Variants in GRID2 observed in about 807,000 individuals in gnomAD.
GRID2 encodes glutamate receptor ionotropic, delta-2.
In GRID2, 33 loss-of-function variants were observed where a neutral mutation model predicts 114.8. The observed-to-expected ratio is 0.29, with a 90% CI of 0.22 to 0.38. The LOEUF (loss-of-function observed/expected upper bound fraction) is 0.38. GRID2 is among the 10% of genes least tolerant of loss of function. The pLI is 1.00. For missense variants in GRID2, 1,184 were observed against 1,257.7 expected (o/e 0.94, Z 0.89); for synonymous variants, 505 against 449.9 (o/e 1.12, Z -1.55).
intron 2 of GRID2, among the ~76,000 whole-genome samples, chr4:92,628,530 T>A (rs969888693): frequency 2.0e-5 from 3 of 152,062 alleles, no homozygotes; most frequent in Non-Finnish European, 4.4e-5. Context: ...GCTAATTTTT[T>A]GTATTTTAGT....
At chr4:92,947,717 T>C (rs1751743199) in intron 2 of GRID2, among the ~76,000 whole-genome samples, 1 of 151,828 alleles carries the variant, frequency 6.6e-6, no homozygotes, top group Non-Finnish European at 1.5e-5. Flanking sequence ...TGCGTGTATA[T>C]GTGTGTGTTT....
In GRID2 at chr4:93,693,782, CCAGT is replaced by C. The variant is rs371434664; in HGVS notation, c.2360+67348_2360+67351del. On this transcript the variant is annotated intron_variant, in intron 14 of 15. Transcript: ENST00000282020. Reference sequence around the variant, plus strand: ...AGAACACAATAAAACCACCACAGCACCAGTAATTTGGGACCAAAAAATCTGAAAA... The same window carrying C: ...AGAACACAATAAAACCACCACAGCACAATTTGGGACCAAAAAATCTGAAAA... Among the ~76,000 whole-genome samples, 128 of 152,026 alleles carry C rather than the reference CCAGT, an allele frequency of 8.4e-4. No homozygotes were observed. In the South Asian group the frequency reaches 0.026, roughly 30 times the overall value.
intron 2 of GRID2, among the ~76,000 whole-genome samples, chr4:92,906,250 C>T (rs887912156): frequency 2.1e-5 from 3 of 140,472 alleles, no homozygotes; most frequent in African/African-American, 7.7e-5. Flanking sequence ...CTGAAGCTTC[C>T]CTTGAACCAG....
rs143199749 is a variant in GRID2 at position 92,873,043 on chromosome 4, T to C, written c.245-211952T>C. Among the ~76,000 whole-genome samples the C allele has an allele frequency of 4.7e-3, 719 of 152,270 alleles. 9 individuals carry two copies. Among genetic ancestry groups the C allele is most frequent in the African/African-American group, 0.016 (683 of 41,556 alleles). ...CTTCCACAGATACCAACAGAAAATA[T>C]AGTATTATAATAGTATTGAGTATAA... On this transcript the variant is annotated intron_variant, in intron 2 of 15. Coordinates refer to ENST00000282020, the MANE Select transcript of GRID2 (RefSeq NM_001510.4).
intron 4 of GRID2, among the ~76,000 whole-genome samples, chr4:93,155,775 G>C (rs1737123889): frequency 6.6e-6 from 1 of 151,718 alleles, no homozygotes; most frequent in Non-Finnish European, 1.5e-5. Flanking sequence ...GAGAAGTGTA[G>C]GGGAAAATAC....
intron 14 of GRID2, among the ~76,000 whole-genome samples, chr4:93,753,101 T>C (rs1402651477): frequency 2.0e-5 from 3 of 152,208 alleles, no homozygotes; most frequent in Admixed American, 6.5e-5. Context: ...GATATGATCT[T>C]CTTGAATGCT....
chr4:93,541,747 AC>A (rs1732676388), intron 13 of GRID2, among the ~76,000 whole-genome samples: 1 of 152,180 alleles, frequency 6.6e-6, no homozygotes, highest in South Asian at 2.1e-4. Context: ...GATCTGAAAT[AC>A]CAAATGGCAG....
At chr4:92,691,815 C>T (rs1734196374) in intron 2 of GRID2, among the ~76,000 whole-genome samples, 1 of 152,136 alleles carries the variant, frequency 6.6e-6, no homozygotes, top group African/African-American at 2.4e-5. Context: ...TATCACTTTC[C>T]AAGGTTCCTG....
intron 1 of GRID2, among the ~76,000 whole-genome samples, chr4:92,315,461 A>G (rs1725918942): frequency 6.6e-6 from 1 of 152,180 alleles, no homozygotes; most frequent in Non-Finnish European, 1.5e-5. Flanking sequence ...GATATTTTCT[A>G]TTTACTAGTT....
chr4:93,726,415 G>C (rs1172452413), intron 14 of GRID2, among the ~76,000 whole-genome samples: 3 of 152,296 alleles, frequency 2.0e-5, no homozygotes, highest in East Asian at 1.9e-4. Context: ...AAGTCAGGTA[G>C]CATGATGCCT....
exon 2 of GRID2, chr4:93,807,874 T>C (rs936871869): frequency 2.0e-5 from 3 of 152,168 alleles, no homozygotes; most frequent in African/African-American, 7.2e-5. Context: ...CCTAAGAAGT[T>C]TGCATTCCAG....
intron 2 of GRID2, among the ~76,000 whole-genome samples, chr4:92,622,600 T>TA (rs771733993): frequency 5.9e-5 from 9 of 151,594 alleles, no homozygotes; most frequent in African/African-American, 1.7e-4. Flanking sequence ...CCCTCATTTT[T>TA]AAAAAAGATT....
At chr4:92,604,274 ACATAG>A (rs1729353939) in intron 2 of GRID2, among the ~76,000 whole-genome samples, 1 of 152,206 alleles carries the variant, frequency 6.6e-6, no homozygotes, top group South Asian at 2.1e-4. Context: ...AATAGCAAAG[ACATAG>A]AATCAATCCA....
Position 92,864,251 on chromosome 4 carries a change from A to G in GRID2, c.245-220744A>G, listed in dbSNP as rs567294424. On this transcript the variant is annotated intron_variant, in intron 2 of 15. Transcript: ENST00000282020. ...GCAAAAGAAATTTGGATTGTTGACC[A>G]AAACTTCTTAGTCACTTCCCATGGG... Among the ~76,000 whole-genome samples, 3 of 152,306 alleles carry G rather than the reference A, an allele frequency of 2.0e-5. No individual in the cohort carries two copies. In the East Asian group the frequency reaches 5.8e-4, roughly 29 times the overall value.
chr4:93,239,406 C>T (rs55827204), intron 8 of GRID2, among the ~76,000 whole-genome samples: 96,062 of 149,864 alleles, frequency 0.64, 30,986 homozygotes, highest in Middle Eastern at 0.79. Context: ...TAATTGTGTA[C>T]GCAGAGCTGG....
intron 1 of GRID2, among the ~76,000 whole-genome samples, chr4:92,382,634 G>T (rs1365883725): frequency 6.6e-6 from 1 of 151,952 alleles, no homozygotes; most frequent in Non-Finnish European, 1.5e-5. Flanking sequence ...GATTATATTT[G>T]TGAGGAATTG....
chr4:92,738,187 A>T (rs1284413754), intron 2 of GRID2, among the ~76,000 whole-genome samples: 3 of 152,050 alleles, frequency 2.0e-5, no homozygotes, highest in African/African-American at 7.2e-5. Flanking sequence ...GATGGTGAGA[A>T]TTTTTTCATG....
At chr4:92,975,070 T>C (rs1290794535) in intron 2 of GRID2, among the ~76,000 whole-genome samples, 1 of 142,062 alleles carries the variant, frequency 7.0e-6, no homozygotes, top group Non-Finnish European at 1.5e-5. Context: ...GGCAGGAGAA[T>C]GGCGTGAACC....
intron 2 of GRID2, among the ~76,000 whole-genome samples, chr4:92,846,442 T>A (rs1188187310): frequency 1.3e-5 from 2 of 152,152 alleles, no homozygotes; most frequent in African/African-American, 4.8e-5. Flanking sequence ...TGTTCCTGCA[T>A]TAATTTGCTA....
Sources: gnomAD v4.1 joint callset for allele counts (sites outside exome capture counted in the v4.1 genomes callset) on GRCh38, gnomAD v4.1.1 for gene constraint, MANE v1.5 for transcripts, NCBI Gene and HGNC (gene_info 2026-07-23, HGNC 2026-07-21) for gene names.